KATNAL2: variants seen among roughly 807,000 people sequenced by gnomAD.
The protein encoded by KATNAL2 is katanin catalytic subunit A1 like 2.
Under a neutral mutation model 76.3 loss-of-function variants are expected in KATNAL2, and 52 were observed. The ratio of observed to expected loss-of-function variants is 0.68; its 90% CI spans 0.55 to 0.86. KATNAL2 has a LOEUF of 0.86. Among genes scored for constraint, KATNAL2 ranks in the 40% least tolerant of loss-of-function variants. The pLI is 0.00. For missense variants in KATNAL2, 660 were observed against 668.9 expected (o/e 0.99, Z 0.15); for synonymous variants, 243 against 244.2 (o/e 1.00, Z 0.05).
At chr18:46,937,584 A>C (rs565036069) in intron 1 of KATNAL2, among the ~76,000 whole-genome samples, 2 of 152,080 alleles carry the variant, frequency 1.3e-5, no homozygotes, top group African/African-American at 4.8e-5. Context: ...ATGCTTCTAA[A>C]TTCCCTCCAG....
At chr18:46,918,523 C>T (rs557178019) in intron 1 of KATNAL2, among the ~76,000 whole-genome samples, 83 of 152,228 alleles carry the variant, frequency 5.5e-4, no homozygotes, top group Admixed American at 4.1e-3. Flanking sequence ...GGCACGATCT[C>T]GGCTCACCGC....
intron 3 of KATNAL2, among the ~76,000 whole-genome samples, chr18:46,962,240 A>G (rs1374062819): frequency 1.0e-4 from 14 of 137,556 alleles, no homozygotes; most frequent in Admixed American, 2.9e-4. Context: ...GGCTGCAGCG[A>G]TCTGCTTTCC....
intron 15 of KATNAL2, among the ~76,000 whole-genome samples, chr18:47,080,740 G>A (rs955805483): frequency 6.6e-5 from 10 of 152,196 alleles, no homozygotes; most frequent in Admixed American, 2.6e-4. Flanking sequence ...GTAGCCATCC[G>A]AGTGGGTAAG....
chr18:47,076,071 C>T (rs1288325710), intron 14 of KATNAL2: 1 of 152,140 alleles, frequency 6.6e-6, no homozygotes, highest in Non-Finnish European at 1.5e-5. Flanking sequence ...AAATCTGGCA[C>T]CCCTGGCTTG....
chr18:47,051,159 T>A (rs2061329579), intron 4 of KATNAL2, among the ~76,000 whole-genome samples: 1 of 152,096 alleles, frequency 6.6e-6, no homozygotes, highest in Non-Finnish European at 1.5e-5. Context: ...CTCTAGCGGC[T>A]CCTCCTGCCA....
chr18:47,033,682 G>T (rs758290047), intron 3 of KATNAL2: 4 of 1,614,206 alleles, frequency 2.5e-6, no homozygotes, highest in Middle Eastern at 1.6e-4. Context: ...CTGGCGCAGC[G>T]TCGGCACCTG....
At chr18:46,942,190 A>C (rs1348923063) in intron 1 of KATNAL2, among the ~76,000 whole-genome samples, 3 of 110,556 alleles carry the variant, frequency 2.7e-5, no homozygotes, top group Non-Finnish European at 6.1e-5. Context: ...ACTCATATCT[A>C]ATACAGCCTT....
chr18:46,957,715 A>G (rs1433593182), intron 3 of KATNAL2, among the ~76,000 whole-genome samples: 1 of 151,880 alleles, frequency 6.6e-6, no homozygotes, highest in Non-Finnish European at 1.5e-5. Flanking sequence ...GGCATGTGCC[A>G]TCACGCCTGG....
At chr18:47,065,254 G>T (rs1474789343) in intron 10 of KATNAL2, among the ~76,000 whole-genome samples, 1 of 152,136 alleles carries the variant, frequency 6.6e-6, no homozygotes, top group African/African-American at 2.4e-5. Flanking sequence ...GAGGCCAGGG[G>T]TTTGAGACCA....
chr18:47,035,627 T>G (rs1447542832), intron 3 of KATNAL2: 1 of 456,266 alleles, frequency 2.2e-6, no homozygotes, highest in Non-Finnish European at 4.1e-6. Context: ...CTCTTAGCTC[T>G]TGGGCTGCCC....
intron 14 of KATNAL2, chr18:47,076,565 T>C (rs1326892774): frequency 6.6e-6 from 1 of 152,218 alleles, no homozygotes; most frequent in Admixed American, 6.5e-5. Flanking sequence ...CTTCATCTGC[T>C]ATCCTTGTGT....
At chr18:47,097,855 T>C (rs753847533) in intron 15 of KATNAL2, among the ~76,000 whole-genome samples, 1 of 152,198 alleles carries the variant, frequency 6.6e-6, no homozygotes, top group African/African-American at 2.4e-5. Context: ...TACCCATTAG[T>C]TGTTTTTCCT....
intron 3 of KATNAL2, among the ~76,000 whole-genome samples, chr18:46,954,700 A>G (rs1282735083): frequency 6.8e-6 from 1 of 147,142 alleles, no homozygotes; most frequent in African/African-American, 2.5e-5. Context: ...CTGGAGTACA[A>G]TGGCGCAATT....
At chr18:47,096,448 TCTC>T (rs1209352876) in intron 15 of KATNAL2, among the ~76,000 whole-genome samples, 1 of 152,124 alleles carries the variant, frequency 6.6e-6, no homozygotes, top group African/African-American at 2.4e-5. Context: ...CTCAGGTGAC[TCTC>T]CTACCTCAGC....
intron 3 of KATNAL2, among the ~76,000 whole-genome samples, chr18:47,039,269 T>C (rs72921326): frequency 0.046 from 7,052 of 152,274 alleles, 192 homozygotes; most frequent in Non-Finnish European, 0.064. Flanking sequence ...CCATTTAAAA[T>C]GTACAATTCC....
intron 3 of KATNAL2, among the ~76,000 whole-genome samples, chr18:47,031,320 C>G (rs1024751972): frequency 1.3e-5 from 2 of 152,082 alleles, no homozygotes; most frequent in Admixed American, 6.5e-5. Context: ...GAAAACAGAT[C>G]CATTTGAAAT....
intron 3 of KATNAL2, chr18:47,035,450 C>G (rs748203673): frequency 2.4e-4 from 320 of 1,313,266 alleles, no homozygotes; most frequent in Non-Finnish European, 3.0e-4. Flanking sequence ...CTGGAACGGC[C>G]GTCCTTGCAG....
chr18:47,101,056 GT>G lies in KATNAL2; in HGVS notation c.*54del. 1.9e-6 allele frequency: 3 copies of G among 1,593,868 alleles called. No homozygotes were observed. Among genetic ancestry groups the G allele is most frequent in the South Asian group, 1.1e-5 (1 of 90,380 alleles). Reference sequence around the variant, plus strand: ...CAAAGGCAACCACAAAGACCTCCTAGTTTATTAATGTCCGTGGGAGAACAAA... The same window carrying G: ...CAAAGGCAACCACAAAGACCTCCTAGTTATTAATGTCCGTGGGAGAACAAA... On this transcript the variant is annotated 3_prime_UTR_variant, in exon 18 of 18. Transcript: ENST00000683218.
chr18:46,928,061 G>T lies in KATNAL2; in HGVS notation c.-510+10135G>T, dbSNP rs544113398. 6.5e-3 allele frequency among the ~76,000 whole-genome samples: 992 copies of T among 152,030 alleles called. 8 individuals are homozygous for T. Among genetic ancestry groups the T allele is most frequent in the Non-Finnish European group, 0.011 (748 of 67,962 alleles). Reference sequence around the variant, plus strand: ...TCCTGTAGCTCGGAGTAGTTTGATCGTCTGAAGCCTTCTTCTCTCAACTCG... The same window carrying T: ...TCCTGTAGCTCGGAGTAGTTTGATCTTCTGAAGCCTTCTTCTCTCAACTCG... On this transcript the variant is annotated intron_variant, in intron 1 of 17. Transcript: ENST00000683218.
Sources: gnomAD v4.1 joint callset for allele counts (sites outside exome capture counted in the v4.1 genomes callset) on GRCh38, gnomAD v4.1.1 for gene constraint, MANE v1.5 for transcripts, NCBI Gene and HGNC (gene_info 2026-07-23, HGNC 2026-07-21) for gene names.